The following SNTG2 variants were observed in gnomAD, a reference collection of about 807,000 sequenced individuals.
The protein encoded by SNTG2 is syntrophin gamma 2, also known as gamma-2-syntrophin.
In SNTG2, 74 loss-of-function variants were observed where a neutral mutation model predicts 70.9. The ratio of observed to expected loss-of-function variants is 1.04; its 90% CI spans 0.86 to 1.27. The LOEUF (loss-of-function observed/expected upper bound fraction) is 1.27. Among genes scored for constraint, SNTG2 ranks in the 50% most tolerant of loss-of-function variants. The pLI is 0.00. For missense variants in SNTG2, 717 were observed against 690.7 expected, an observed-to-expected ratio of 1.04 and a Z score of -0.43; for synonymous variants, 278 against 273.8, an observed-to-expected ratio of 1.02 and a Z score of -0.15.
chr2:1,308,368 C>A, intron 14 of SNTG2, 126 bp from the exon 15 acceptor site: 1 of 811,304 alleles, frequency 1.2e-6, no homozygotes, highest in Non-Finnish European at 2.0e-6. Flanking sequence ...TGTTTTGTTC[C>A]CCGTAACTTG....
At chr2:1,179,816 A>G (rs1380128606) in intron 8 of SNTG2, among the ~76,000 whole-genome samples, 1 of 144,414 alleles carries the variant, frequency 6.9e-6, no homozygotes, top group Non-Finnish European at 1.5e-5. Context: ...ACTTCAAACT[A>G]TACTACAAGG....
intron 9 of SNTG2, among the ~76,000 whole-genome samples, chr2:1,231,253 G>A (rs1435299048): frequency 6.6e-6 from 1 of 151,856 alleles, no homozygotes; most frequent in East Asian, 2.0e-4. Flanking sequence ...CTTCCATAGG[G>A]TAACTGCGGG....
chr2:1,103,389 T>TTC (rs1558402006), intron 4 of SNTG2: 24 of 293,564 alleles, frequency 8.2e-5, no homozygotes, highest in East Asian at 4.1e-4. Context: ...CTTTTTTTTT[T>TTC]TATTTTTTTT....
chr2:1,268,251 A>G (rs1322785071), intron 14 of SNTG2, among the ~76,000 whole-genome samples: 1 of 152,240 alleles, frequency 6.6e-6, no homozygotes, highest in African/African-American at 2.4e-5. Context: ...ACTTCACACC[A>G]AAGTCCAGGG....
intron 4 of SNTG2, among the ~76,000 whole-genome samples, chr2:1,135,594 T>A (rs1668330359): frequency 6.6e-6 from 1 of 152,100 alleles, no homozygotes; most frequent in Non-Finnish European, 1.5e-5. Context: ...TGGTGGTGCA[T>A]GTCTGTAATC....
chr2:1,319,110 C>G (rs1232829338), intron 16 of SNTG2, among the ~76,000 whole-genome samples: 1 of 152,156 alleles, frequency 6.6e-6, no homozygotes, highest in Non-Finnish European at 1.5e-5. Context: ...GTTAGATTCA[C>G]GTGGGACACA....
rs551057841 is a variant in SNTG2 at position 1,074,182 on chromosome 2, T to C, written c.73-9336T>C. ...CCTTGCTGCCTCCCGGCAGCTGCAGTGTAGCCCCTCTGTGCATGTGTGACC... is the reference window on the plus strand; with the variant it reads ...CCTTGCTGCCTCCCGGCAGCTGCAGCGTAGCCCCTCTGTGCATGTGTGACC... On this transcript the variant is annotated intron_variant, in intron 1 of 16. Transcript: ENST00000308624. 3.3e-5 allele frequency among the ~76,000 whole-genome samples: 5 copies of C among 152,278 alleles called. No homozygotes were observed. In the East Asian group the frequency reaches 9.6e-4, roughly 29 times the overall value.
At chr2:1,155,515 A>T (rs1044259180) in intron 6 of SNTG2, among the ~76,000 whole-genome samples, 1 of 152,232 alleles carries the variant, frequency 6.6e-6, no homozygotes, top group African/African-American at 2.4e-5. Flanking sequence ...CAGAAGGTTA[A>T]TACAGAAAGG....
rs112561155 is a variant in SNTG2 at position 1,234,454 on chromosome 2, C to T, written c.720-3434C>T. ...ACTAATAATGTTTATATGGTACTTA[C>T]GGGCTTACAAATAACTTTGTTTCAG... is the stretch of plus-strand genomic sequence containing the variant. On this transcript the variant is annotated intron_variant, in intron 9 of 16. Coordinates refer to ENST00000308624, the MANE Select transcript of SNTG2 (RefSeq NM_018968.4). 5.0e-3 allele frequency among the ~76,000 whole-genome samples: 769 copies of T among 152,288 alleles called. 7 individuals carry two copies. The highest frequency in any genetic ancestry group is 9.0e-3 in the Admixed American group (137 of 15,302).
At chr2:1,129,213 A>G (rs937914447) in intron 4 of SNTG2, among the ~76,000 whole-genome samples, 3 of 152,242 alleles carry the variant, frequency 2.0e-5, no homozygotes, top group African/African-American at 7.2e-5. Flanking sequence ...TAAGAAAACT[A>G]CAGGTGGTTC....
chr2:993,070 CTTTTT>C lies in SNTG2; in HGVS notation c.72+42015_72+42019del, dbSNP rs59134628. Among the ~76,000 whole-genome samples, 35 of 140,490 alleles carry C rather than the reference CTTTTT, an allele frequency of 2.5e-4. No individual in the cohort carries two copies. In the Middle Eastern group the frequency reaches 9.9e-3, roughly 40 times the overall value. 92.2% of individuals were successfully genotyped at this position (140,490 alleles called of 152,430 possible). ...TCATACAGTTGGTCTTTTGTGGGTT[CTTTTT>C]TTTTTTTTTTTTATTATACTCTAAG... On this transcript the variant is annotated intron_variant, in intron 1 of 16. Transcript: ENST00000308624.
chr2:1,004,878 ATTAT>A (rs1303857106), intron 1 of SNTG2, among the ~76,000 whole-genome samples: 2 of 152,238 alleles, frequency 1.3e-5, no homozygotes, highest in Admixed American at 6.5e-5. Context: ...TAACAAAAGC[ATTAT>A]TTATTTGTTT....
intron 4 of SNTG2, among the ~76,000 whole-genome samples, chr2:1,122,529 A>G (rs1302745512): frequency 2.6e-5 from 4 of 152,110 alleles, no homozygotes; most frequent in Non-Finnish European, 5.9e-5. Flanking sequence ...CCCAATATCT[A>G]TGATAAAAAA....
chr2:1,043,992 C>T (rs1661586466), intron 1 of SNTG2, among the ~76,000 whole-genome samples: 1 of 152,112 alleles, frequency 6.6e-6, no homozygotes, highest in Admixed American at 6.6e-5. Flanking sequence ...CTGTAAATTG[C>T]TTTGGGCAGT....
intron 14 of SNTG2, among the ~76,000 whole-genome samples, chr2:1,284,791 A>G (rs1271330439): frequency 1.3e-5 from 2 of 152,256 alleles, no homozygotes; most frequent in Non-Finnish European, 1.5e-5. Flanking sequence ...GTTTGTAATT[A>G]AAATATTCAG....
chr2:1,314,896 A>G (rs1413738334), intron 15 of SNTG2, among the ~76,000 whole-genome samples: 2 of 152,142 alleles, frequency 1.3e-5, no homozygotes, highest in Non-Finnish European at 2.9e-5. Context: ...AGACTTAGTC[A>G]CTGTCACGAG....
intron 10 of SNTG2, 119 bp from the exon 11 acceptor site, chr2:1,239,619 G>A: frequency 3.9e-6 from 4 of 1,017,160 alleles, no homozygotes; most frequent in Non-Finnish European, 5.9e-6. Context: ...TAGGAAATAT[G>A]TCATTAAAGA....
At chr2:1,348,046 C>T (rs2148302203) in intron 16 of SNTG2, among the ~76,000 whole-genome samples, 1 of 151,804 alleles carries the variant, frequency 6.6e-6, no homozygotes, top group South Asian at 2.1e-4. Context: ...AATCTGTATC[C>T]CCGGGTTGCA....
At chr2:1,289,307 G>A (rs1252560605) in intron 14 of SNTG2, among the ~76,000 whole-genome samples, 3 of 151,914 alleles carry the variant, frequency 2.0e-5, no homozygotes, top group Admixed American at 1.3e-4. Flanking sequence ...TCCTTCTGCC[G>A]CCGCCCTTCC....
Sources: gnomAD v4.1 joint callset for allele counts (sites outside exome capture counted in the v4.1 genomes callset) on GRCh38, gnomAD v4.1.1 for gene constraint, MANE v1.5 for transcripts, NCBI Gene and HGNC (gene_info 2026-07-23, HGNC 2026-07-21) for gene names.